Variants in MTCH1 observed in about 807,000 individuals in gnomAD.
MTCH1 encodes the protein mitochondrial carrier 1, also known as mitochondrial carrier homolog 1.
Under a neutral mutation model 49.3 loss-of-function variants are expected in MTCH1, and 23 were observed. The observed-to-expected ratio is 0.47, with a 90% CI of 0.34 to 0.66. The LOEUF is 0.66. Among genes scored for constraint, MTCH1 ranks in the 30% least tolerant of loss-of-function variants. MTCH1 has a pLI of 0.01. For missense variants in MTCH1, 397 were observed against 532.1 expected, an observed-to-expected ratio of 0.75 and a Z score of 2.50; for synonymous variants, 229 against 215.2, an observed-to-expected ratio of 1.06 and a Z score of -0.56.
Position 36,977,127 on chromosome 6 carries a change from C to A in MTCH1, c.701+72G>T. ...GGGCAGAAAAGGTGCAGCAACCAAT[C>A]CCAGCACGGCCTGCCCTGGCCGACT... On this transcript the variant is annotated intron_variant, in intron 6 of 11. Transcript: ENST00000373627. This position sits in a 1 kb window ranked among gnomAD's most constrained non-coding sequence, Gnocchi z 5.4. The A allele has an allele frequency of 6.6e-7, 1 of 1,525,472 alleles. No individual in the cohort carries two copies. Among genetic ancestry groups the A allele is most frequent in the Non-Finnish European group, 9.1e-7 (1 of 1,103,064 alleles). The allele number at this position is 1,525,472 out of a possible 1,614,324, so 94.5% of individuals were successfully genotyped here.
chr6:36,978,668 T>C, intron 2 of MTCH1, 57 bp from the exon 3 acceptor site: 1 of 1,485,824 alleles, frequency 6.7e-7, no homozygotes, highest in East Asian at 2.3e-5. Flanking sequence ...CACCCACTCC[T>C]GGGTCACACA....
Position 36,970,311 on chromosome 6 carries a change from G to A in MTCH1, c.1022+95C>T, listed in dbSNP as rs1425192156. ...GCAGGCCAAGCCTACACACAGAGCA[G>A]GTGGGAGGGGGCAGAGTGCTGGAAG... On this transcript the variant is annotated intron_variant, in intron 10 of 11. Transcript: ENST00000373627. The A allele has an allele frequency of 2.6e-6, 4 of 1,526,998 alleles. No homozygotes were observed. The Middle Eastern group carries it at 5.1e-4, about 194-fold the overall frequency. 94.6% of individuals were successfully genotyped at this position (1,526,998 alleles called of 1,614,324 possible).
chr6:36,975,839 A>T, intron 6 of MTCH1, 122 bp from the exon 7 acceptor site: 1 of 823,448 alleles, frequency 1.2e-6, no homozygotes, highest in Non-Finnish European at 2.0e-6. Context: ...AGGGATGGGG[A>T]GGACTATTAC....
In MTCH1 at chr6:36,978,087, A is replaced by G. The variant is rs11548578; in HGVS notation, c.582T>C (p.Val194=). 1 of 1,612,452 alleles carries G rather than the reference A, an allele frequency of 6.2e-7. No individual in the cohort carries two copies. Among genetic ancestry groups the G allele is most frequent in the African/African-American group, 1.3e-5 (1 of 74,872 alleles). Residue 194 remains valine (V), a synonymous_variant, in exon 4 of 12, where the codon GTT becomes GTC. Coordinates refer to ENST00000373627, the MANE Select transcript of MTCH1 (RefSeq NM_001271641.2). ...KDDMKTSLKK[V]VKETSYEMMM... ...AACTCTCAACACCCACCTCCTTCACAACTTTCTTCAGGGAAGTCTTCATAT... is the reference window on the plus strand; with the variant it reads ...AACTCTCAACACCCACCTCCTTCACGACTTTCTTCAGGGAAGTCTTCATAT...
At chr6:36,984,340 T>G (rs1254968433) in intron 1 of MTCH1, among the ~76,000 whole-genome samples, 2 of 152,144 alleles carry the variant, frequency 1.3e-5, no homozygotes, top group African/African-American at 4.8e-5. Context: ...ATCAACAATT[T>G]TCAAATCTGT....
At chr6:36,970,891 C>T (rs1013318086) in intron 8 of MTCH1, 197 bp from the exon 9 acceptor site, 33 of 645,016 alleles carry the variant, frequency 5.1e-5, no homozygotes, top group African/African-American at 2.9e-4. Context: ...AAGGGAGTCC[C>T]GAGAAGGAGA....
chr6:36,985,714 C>CCCCCTCCCCCCCCCCCCCCCCCA, intron 1 of MTCH1, 139 bp downstream of exon 1: 1 of 404,930 alleles, frequency 2.5e-6, no homozygotes, highest in South Asian at 1.9e-5. Flanking sequence ...CCATCCCACC[C>CCCCCTCCCCCCCCCCCCCCCCCA]ACTCGGCCCC....
intron 2 of MTCH1, 34 bp from the exon 3 acceptor site, chr6:36,978,645 C>T: frequency 6.3e-7 from 1 of 1,599,948 alleles, no homozygotes. Flanking sequence ...AGGAGTCACA[C>T]CCAGTTCAGG....
chr6:36,981,012 C>T (rs1305201620), intron 2 of MTCH1, among the ~76,000 whole-genome samples: 2 of 152,232 alleles, frequency 1.3e-5, no homozygotes, highest in African/African-American at 4.8e-5. Context: ...AGCCAGGCCA[C>T]AGCAGGTAAG....
At position 36,972,683 on chromosome 6, in the gene MTCH1, C is replaced by T; in HGVS notation, c.875G>A (p.Gly292Glu). 6.4e-7 allele frequency: 1 copy of T among 1,551,242 alleles called. No homozygotes were observed. The highest frequency in any genetic ancestry group is 1.2e-5 in the South Asian group (1 of 84,022). ...ACCTGGATTCTGGTCGTTTCCCAGC[C>T]CCCCTGGGGTGTCACTCACGCTGTC... Reference protein sequence around the residue: ...VDDSVSDTPGGLGNDQNPGSQ... With the variant: ...VDDSVSDTPGELGNDQNPGSQ... The change falls in exon 8 of 12, where the codon GGG becomes GAG. Residue 292 changes from glycine to glutamate, a missense_variant. This residue lies in a region of MTCH1 where 252 missense variants were observed against 388.3 expected (regional missense o/e 0.65). Transcript: ENST00000373627. This position sits in a 1 kb window ranked among gnomAD's most constrained non-coding sequence, Gnocchi z 4.1.
chr6:36,980,696 A>T (rs569204503), intron 2 of MTCH1, among the ~76,000 whole-genome samples: 16 of 152,384 alleles, frequency 1.0e-4, no homozygotes, highest in African/African-American at 3.4e-4. Context: ...AGAATATTCT[A>T]GACAACCAAA....
chr6:36,971,317 C>T (rs1763677488), intron 8 of MTCH1, among the ~76,000 whole-genome samples: 1 of 152,162 alleles, frequency 6.6e-6, no homozygotes, highest in African/African-American at 2.4e-5. Flanking sequence ...GGCCTTTAAG[C>T]CACATACAGA....
Position 36,977,686 on chromosome 6 carries a change from G to C in MTCH1, c.597C>G (p.Ser199=), listed in dbSNP as rs1763936785. ...TSLKKVVKET[S]YEMMMQCVSR... ...ACACACACTGCATCATCATCTCGTA[G>C]GAGGTCTGGAAGAGAGCATGGGGTG... The change falls in exon 5 of 12, where the codon TCC becomes TCG. Residue 199 remains serine (S), a synonymous_variant. Transcript: ENST00000373627. The surrounding 1 kb of genome is among the most constrained non-coding windows in gnomAD (Gnocchi z 5.4). 3.1e-6 allele frequency: 5 copies of C among 1,608,698 alleles called. No individual in the cohort carries two copies. The highest frequency in any genetic ancestry group is 2.5e-6 in the Non-Finnish European group (3 of 1,177,688).
intron 1 of MTCH1, among the ~76,000 whole-genome samples, chr6:36,985,300 C>T (rs905652197): frequency 6.6e-6 from 1 of 152,102 alleles, no homozygotes; most frequent in African/African-American, 2.4e-5. Context: ...CTGGCCCTGG[C>T]GCCCACTTTG....
Position 36,968,676 on chromosome 6 carries a change from C to T in MTCH1, c.*227G>A, listed in dbSNP as rs145648761. ...TGGGGATTCTGCCAACTCCCCACCTCGCCTCACCTTCCCTAGGTCTGCCGG... is the reference window on the plus strand; with the variant it reads ...TGGGGATTCTGCCAACTCCCCACCTTGCCTCACCTTCCCTAGGTCTGCCGG... On this transcript the variant is annotated 3_prime_UTR_variant, in exon 12 of 12. Transcript: ENST00000373627. 379 of 668,430 alleles carry T rather than the reference C, an allele frequency of 5.7e-4. No homozygotes were observed. The highest frequency in any genetic ancestry group is 5.6e-3 in the African/African-American group (311 of 55,850). 41.4% of individuals were successfully genotyped at this position (668,430 alleles called of 1,614,324 possible).
chr6:36,969,761 T>A, intron 11 of MTCH1: 1 of 1,320,012 alleles, frequency 7.6e-7, no homozygotes, highest in Non-Finnish European at 9.7e-7. Context: ...GGGCCAGAGT[T>A]CTCTTATCCT....
At chr6:36,986,208 A>G (rs2150756257), upstream of MTCH1, 1 of 1,403,220 alleles carries the variant, frequency 7.1e-7, no homozygotes, top group Non-Finnish European at 9.2e-7. Flanking sequence ...CCGTCACGTG[A>G]CGGGGCCACG....
chr6:36,983,209 A>G (rs1764169179), intron 1 of MTCH1, among the ~76,000 whole-genome samples: 1 of 152,190 alleles, frequency 6.6e-6, no homozygotes, highest in Non-Finnish European at 1.5e-5. Flanking sequence ...CAAAGGAGGA[A>G]AGGGGTGAGT....
chr6:36,981,234 A>G (rs1029265731), intron 2 of MTCH1, among the ~76,000 whole-genome samples: 13 of 152,152 alleles, frequency 8.5e-5, no homozygotes, highest in African/African-American at 2.9e-4. Context: ...GGCTGCTCAC[A>G]GGACAAAAGG....
Sources: gnomAD v4.1 joint callset for allele counts (sites outside exome capture counted in the v4.1 genomes callset) on GRCh38, gnomAD v4.1.1 for gene constraint, gnomAD v4.1.1 regional missense constraint, Gnocchi (gnomAD v3.1) non-coding constraint, MANE v1.5 for transcripts, NCBI Gene and HGNC (gene_info 2026-07-23, HGNC 2026-07-21) for gene names.